IQGAP2: variants seen among roughly 807,000 people sequenced by gnomAD.
IQGAP2 encodes IQ motif containing GTPase activating protein 2, also known as ras GTPase-activating-like protein IQGAP2.
IQGAP2 carries 173 observed loss-of-function variants against 201.3 expected under a neutral mutation model. That is an observed-to-expected ratio of 0.86 (90% CI 0.76 to 0.98). IQGAP2 has a LOEUF of 0.98. IQGAP2 is among the 50% of genes least tolerant of loss of function. The pLI, the probability that IQGAP2 is intolerant of heterozygous loss-of-function variation, is 0.00. For synonymous variants in IQGAP2, 675 were observed against 673.9 expected, an observed-to-expected ratio of 1.00 and a Z score of -0.03; for missense variants, 1,687 against 1,864.8, an observed-to-expected ratio of 0.90 and a Z score of 1.76.
chr5:76,611,282 C>A, intron 13 of IQGAP2, 99 bp downstream of exon 13: 1 of 802,144 alleles, frequency 1.2e-6, no homozygotes, highest in Non-Finnish European at 1.9e-6. Context: ...ATCTCATGAG[C>A]TTCTTGTCCC....
At chr5:76,407,980 A>C (rs1300123963) in intron 1 of IQGAP2, among the ~76,000 whole-genome samples, 2 of 152,100 alleles carry the variant, frequency 1.3e-5, no homozygotes. Flanking sequence ...AAAATACAAA[A>C]ATTAGCCTGG....
At chr5:76,406,866 T>C (rs1272374709) in intron 1 of IQGAP2, among the ~76,000 whole-genome samples, 6 of 152,278 alleles carry the variant, frequency 3.9e-5, no homozygotes, top group Non-Finnish European at 7.3e-5. Flanking sequence ...AGATACATTG[T>C]ACAAAAATTG....
At chr5:76,482,502 T>A (rs979932364) in intron 2 of IQGAP2, among the ~76,000 whole-genome samples, 2 of 152,088 alleles carry the variant, frequency 1.3e-5, no homozygotes, top group Non-Finnish European at 2.9e-5. Context: ...ATAAGGGTGG[T>A]GCTGGAGGGA....
chr5:76,486,639 T>C (rs1448415665), intron 2 of IQGAP2, among the ~76,000 whole-genome samples: 2 of 39,716 alleles, frequency 5.0e-5, no homozygotes, highest in African/African-American at 1.6e-4. Context: ...ATTCAGTGAT[T>C]TTTTTTTTAA....
chr5:76,560,069 A>T (rs1329248740), intron 2 of IQGAP2, among the ~76,000 whole-genome samples: 1 of 152,194 alleles, frequency 6.6e-6, no homozygotes, highest in Admixed American at 6.5e-5. Flanking sequence ...TATAGCTCAC[A>T]TTTATTTCAG....
At chr5:76,648,806 G>A (rs967618347) in intron 17 of IQGAP2, among the ~76,000 whole-genome samples, 6 of 151,744 alleles carry the variant, frequency 4.0e-5, no homozygotes, top group Admixed American at 2.6e-4. Context: ...GAAGGACAGA[G>A]GAATGAATCA....
intron 5 of IQGAP2, among the ~76,000 whole-genome samples, chr5:76,587,688 C>T (rs1379781073): frequency 6.6e-6 from 1 of 152,070 alleles, no homozygotes; most frequent in Admixed American, 6.6e-5. Context: ...CACGATGGCT[C>T]ATGCCTATAA....
chr5:76,534,243 AG>A (rs1246674481), intron 2 of IQGAP2, among the ~76,000 whole-genome samples: 1 of 152,216 alleles, frequency 6.6e-6, no homozygotes, highest in African/African-American at 2.4e-5. Context: ...GGGTAGTCAA[AG>A]GGCTAAAGTG....
In IQGAP2 at chr5:76,619,579, C is replaced by G. The variant is rs1011940610; in HGVS notation, c.1522-7831C>G. Among the ~76,000 whole-genome samples the G allele has an allele frequency of 2.0e-5, 3 of 147,378 alleles. No individual in the cohort carries two copies. In the East Asian group the frequency reaches 6.0e-4, roughly 30 times the overall value. ...TCGCCCAGGCTGGAGTGCAGTGGCA[C>G]GATCTCAGCTCACTGCAACCTCCGC... On this transcript the variant is annotated intron_variant, in intron 13 of 35. Transcript: ENST00000274364.
At chr5:76,441,757 A>G (rs951816279) in intron 1 of IQGAP2, among the ~76,000 whole-genome samples, 1 of 152,186 alleles carries the variant, frequency 6.6e-6, no homozygotes, top group Non-Finnish European at 1.5e-5. Context: ...TATCAAAACT[A>G]AAGAAATTTT....
intron 1 of IQGAP2, among the ~76,000 whole-genome samples, chr5:76,446,268 T>C (rs1753387266): frequency 6.6e-6 from 1 of 152,152 alleles, no homozygotes; most frequent in African/African-American, 2.4e-5. Flanking sequence ...GCTGTACTGC[T>C]TTCCACAGGA....
rs892461421 is a variant in IQGAP2 at position 76,631,867 on chromosome 5, C to A, written c.1621C>A (p.Leu541Met). Residue 541 changes from leucine to methionine, a missense_variant, in exon 15 of 36, where the codon CTG becomes ATG. By Grantham distance (15) the Leu-to-Met change is conservative. Transcript: ENST00000274364. ...TTTTTTCAATTACCCAGGGGTTACTCTGGTGGTTGATGTTAATCAGTGTTT... is the reference window on the plus strand; with the variant it reads ...TTTTTTCAATTACCCAGGGGTTACTATGGTGGTTGATGTTAATCAGTGTTT... ...DKDRAKQWVT[L>M]VVDVNQCLEG... The A allele has an allele frequency of 6.3e-7, 1 of 1,582,532 alleles. No individual in the cohort carries two copies. The highest frequency in any genetic ancestry group is 1.8e-5 in the Admixed American group (1 of 57,054).
At position 76,708,118 on chromosome 5, in the gene IQGAP2, ACTT is replaced by A. The variant is rs1748061981; in HGVS notation, c.*806_*808del. On this transcript the variant is annotated 3_prime_UTR_variant, in exon 36 of 36. Transcript: ENST00000274364. The stretch of plus-strand genomic sequence containing the variant: ...AATTGTTTTATGTAAAATAAATGTT[ACTT>A]AATTCCATTAATTTGGCTTTTAAGT... 7.3e-5 allele frequency: 3 copies of A among 41,064 alleles called. No individual in the cohort carries two copies. The South Asian group carries it at 2.7e-3, about 37-fold the overall frequency. The allele number at this position is 41,064 out of a possible 1,614,324, so 2.5% of individuals were successfully genotyped here. A position where few individuals can be genotyped will look rare whatever the true frequency, so the allele number is the denominator to read the frequency against.
At chr5:76,609,277 A>G (rs1219222852) in intron 12 of IQGAP2, 13 of 1,522,976 alleles carry the variant, frequency 8.5e-6, no homozygotes, top group East Asian at 2.5e-5. Context: ...GAATGGCACT[A>G]AATATTCCAT....
At chr5:76,487,680 T>C (rs558356344) in intron 2 of IQGAP2, among the ~76,000 whole-genome samples, 2 of 152,136 alleles carry the variant, frequency 1.3e-5, no homozygotes, top group Non-Finnish European at 2.9e-5. Flanking sequence ...CTTTTTTTTA[T>C]GCAGCGAGGT....
chr5:76,502,495 G>A (rs1404752984), intron 2 of IQGAP2, among the ~76,000 whole-genome samples: 1 of 152,190 alleles, frequency 6.6e-6, no homozygotes, highest in Non-Finnish European at 1.5e-5. Context: ...CACTTGCTGA[G>A]GGACAATAAA....
intron 33 of IQGAP2, 119 bp downstream of exon 33, chr5:76,698,266 C>A: frequency 1.6e-6 from 1 of 633,552 alleles, no homozygotes; most frequent in Non-Finnish European, 2.6e-6. Context: ...GTCTTCTAAC[C>A]GAAAACTAGA....
intron 1 of IQGAP2, among the ~76,000 whole-genome samples, chr5:76,423,561 C>T (rs1751843707): frequency 1.3e-5 from 2 of 152,204 alleles, no homozygotes; most frequent in African/African-American, 2.4e-5. Flanking sequence ...GCGGAGTTTG[C>T]AGTGAGCTGA....
intron 2 of IQGAP2, among the ~76,000 whole-genome samples, chr5:76,490,491 G>GTTTTGGAA (rs1198321518): frequency 6.6e-6 from 1 of 152,118 alleles, no homozygotes; most frequent in Non-Finnish European, 1.5e-5. Context: ...TAAAATTAAT[G>GTTTTGGAA]TCCTTTGTTT....
Sources: allele counts gnomAD v4.1 joint callset (sites outside exome capture counted in the v4.1 genomes callset), GRCh38; gene constraint gnomAD v4.1.1; transcripts MANE v1.5; gene names NCBI Gene and HGNC (gene_info 2026-07-23, HGNC 2026-07-21).